RDX: variants seen among roughly 807,000 people sequenced by gnomAD.
RDX encodes the protein radixin.
RDX carries 32 observed loss-of-function variants against 83.7 expected under a neutral mutation model. The ratio of observed to expected loss-of-function variants is 0.38; its 90% CI spans 0.29 to 0.51. The LOEUF (loss-of-function observed/expected upper bound fraction) is 0.51, where lower values mean the gene tolerates loss of function less well. RDX is among the 20% of genes least tolerant of loss of function. The pLI is 0.87. For missense variants in RDX, 600 were observed against 689.9 expected, an observed-to-expected ratio of 0.87 and a Z score of 1.46; for synonymous variants, 229 against 222.7, an observed-to-expected ratio of 1.03 and a Z score of -0.25.
At chr11:110,196,309 G>A (rs913600147) in intron 15 of RDX, 1 of 152,210 alleles carries the variant, frequency 6.6e-6, no homozygotes, top group Admixed American at 6.5e-5. Context: ...TTTAGTCATG[G>A]TTAGTTGATG....
chr11:110,189,665 C>T (rs1171405159), intron 15 of RDX, among the ~76,000 whole-genome samples: 3 of 152,148 alleles, frequency 2.0e-5, no homozygotes, highest in African/African-American at 7.2e-5. Flanking sequence ...TACTCTAGAA[C>T]TACAGTGGAA....
In RDX at chr11:110,230,274, T is replaced by C. The variant is rs1045010155; in HGVS notation, c.*1595A>G. ...GAACCACACAGAGAAAACAAGGCTT[T>C]ACGTATCTCCAAATTTAGCTGTTTT... On this transcript the variant is annotated 3_prime_UTR_variant, in exon 14 of 14. Coordinates refer to ENST00000645495, the MANE Select transcript of RDX (RefSeq NM_002906.4). 17 of 152,108 alleles carry C rather than the reference T, an allele frequency of 1.1e-4. No individual in the cohort carries two copies. The highest frequency in any genetic ancestry group is 3.9e-4 in the African/African-American group (16 of 41,442). The allele number at this position is 152,108 out of a possible 1,614,324, so 9.4% of individuals were successfully genotyped here. A position where few individuals can be genotyped will look rare whatever the true frequency, so the allele number is the denominator to read the frequency against.
intron 14 of RDX, among the ~76,000 whole-genome samples, chr11:110,201,193 A>G (rs970168482): frequency 6.6e-6 from 1 of 151,784 alleles, no homozygotes; most frequent in Non-Finnish European, 1.5e-5. Flanking sequence ...AAAAAAAAAA[A>G]AAAAAGAAAT....
At position 110,214,898 on chromosome 11, in the gene RDX, A is replaced by G. The variant is rs188057483; in HGVS notation, c.1749-15220T>C. Among the ~76,000 whole-genome samples, 16 of 148,622 alleles carry G rather than the reference A, an allele frequency of 1.1e-4. 1 individual carries two copies. In the East Asian group the frequency reaches 2.2e-3, roughly 20 times the overall value. On this transcript the variant is annotated intron_variant, in intron 14 of 15. Transcript: ENST00000528498. ...GGAGATATACCTAATGCTAGATGAC[A>G]AGTTAGTGGGTGCAGCGCACCAGCA...
Position 110,231,840 on chromosome 11 carries a change from T to C in RDX, c.*29A>G. On this transcript the variant is annotated 3_prime_UTR_variant, in exon 14 of 14. Transcript: ENST00000645495. ...TTTTCTCTGTTGGTGGTTCAGCTTA[T>C]GAAGAACATATATGCAAAATAACAG... 1 of 1,611,120 alleles carries C rather than the reference T, an allele frequency of 6.2e-7. No individual in the cohort carries two copies. The highest frequency in any genetic ancestry group is 1.3e-5 in the African/African-American group (1 of 74,986).
At chr11:110,223,142 G>C (rs1864310229) in intron 14 of RDX, among the ~76,000 whole-genome samples, 1 of 152,110 alleles carries the variant, frequency 6.6e-6, no homozygotes, top group East Asian at 1.9e-4. Context: ...CTTGAGGTCA[G>C]GAGGTCAAAA....
intron 3 of RDX, among the ~76,000 whole-genome samples, chr11:110,267,892 T>C (rs1478045790): frequency 2.0e-5 from 3 of 151,242 alleles, no homozygotes; most frequent in African/African-American, 2.4e-5. Flanking sequence ...AGGTCAAGGC[T>C]GCAGTGAGCT....
Position 110,254,054 on chromosome 11 carries a change from C to T in RDX, c.851G>A (p.Cys284Tyr). 1 of 1,613,718 alleles carries T rather than the reference C, an allele frequency of 6.2e-7. No homozygotes were observed. Among genetic ancestry groups the T allele is most frequent in the Non-Finnish European group, 8.5e-7 (1 of 1,179,806 alleles). Residue 284 changes from cysteine to tyrosine, a missense_variant, in exon 9 of 14, where the codon TGT becomes TAT. Physicochemically the swap from Cys to Tyr is radical, Grantham distance 194. Transcript: ENST00000645495. ...CATGTATAGTTCATGGTTTCCCATACATAAGGCCAAAATCCGCTTATTGAT... is the reference window on the plus strand; with the variant it reads ...CATGTATAGTTCATGGTTTCCCATATATAAGGCCAAAATCCGCTTATTGAT... The part of the protein sequence containing the change: ...LRINKRILAL[C>Y]MGNHELYMRR...
chr11:110,265,396 A>C (rs1476479165), intron 3 of RDX, among the ~76,000 whole-genome samples: 2 of 151,650 alleles, frequency 1.3e-5, no homozygotes, highest in African/African-American at 4.8e-5. Context: ...CTGGCCTCTA[A>C]TCCTCAATTT....
At chr11:110,289,979 A>AAAAAAAAAAAAC (rs1555049799) in intron 1 of RDX, among the ~76,000 whole-genome samples, 17 of 144,710 alleles carry the variant, frequency 1.2e-4, no homozygotes, top group African/African-American at 4.3e-4. Flanking sequence ...AAAAAAAAAA[A>AAAAAAAAAAAAC]AAACAAGGGT....
At chr11:110,290,616 A>G (rs947378625) in intron 1 of RDX, among the ~76,000 whole-genome samples, 1 of 152,242 alleles carries the variant, frequency 6.6e-6, no homozygotes, top group Non-Finnish European at 1.5e-5. Context: ...TCCATTCTCA[A>G]ATGCAAAGAG....
rs568451046 is a variant in RDX at position 110,200,984 on chromosome 11, T to A, written c.1749-1306A>T. Among the ~76,000 whole-genome samples the A allele has an allele frequency of 3.3e-5, 5 of 152,226 alleles. No homozygotes were observed. In the South Asian group the frequency reaches 6.2e-4, roughly 19 times the overall value. The stretch of plus-strand genomic sequence containing the variant: ...TGAGGTCGGGAGTTCGAAACCAGCC[T>A]GACCAACATAGAGAAATCCTGTCTC... On this transcript the variant is annotated intron_variant, in intron 14 of 15. Coordinates refer to the RDX transcript ENST00000528498.
intron 1 of RDX, among the ~76,000 whole-genome samples, chr11:110,285,310 G>C (rs1394326682): frequency 6.6e-6 from 1 of 152,124 alleles, no homozygotes; most frequent in Non-Finnish European, 1.5e-5. Flanking sequence ...GCACGAACCT[G>C]GGAGGCAGGG....
chr11:110,235,969 C>A, intron 12 of RDX, 130 bp downstream of exon 12: 1 of 707,176 alleles, frequency 1.4e-6, no homozygotes, highest in Non-Finnish European at 2.5e-6. Context: ...TAGATATTTA[C>A]AATACACATA....
intron 14 of RDX, among the ~76,000 whole-genome samples, chr11:110,207,978 T>G (rs1863667840): frequency 1.5e-5 from 2 of 134,076 alleles, no homozygotes; most frequent in African/African-American, 2.8e-5. Context: ...CATAAGGAAG[T>G]TGAATCAGAT....
At chr11:110,245,787 A>C (rs1380114375) in intron 10 of RDX, among the ~76,000 whole-genome samples, 1 of 152,162 alleles carries the variant, frequency 6.6e-6, no homozygotes, top group Non-Finnish European at 1.5e-5. Flanking sequence ...CCAGTACTAT[A>C]ATCTCACTAC....
chr11:110,191,638 C>T (rs1385483584), intron 15 of RDX, among the ~76,000 whole-genome samples: 1 of 152,184 alleles, frequency 6.6e-6, no homozygotes, highest in Non-Finnish European at 1.5e-5. Flanking sequence ...GGTAAATCAC[C>T]TGAGGTCATG....
intron 14 of RDX, among the ~76,000 whole-genome samples, chr11:110,201,905 G>GTA (rs1296470765): frequency 1.6e-4 from 2 of 12,820 alleles, no homozygotes; most frequent in African/African-American, 9.7e-4. Flanking sequence ...GGCTAATTTT[G>GTA]TGTGTGTGTG....
At chr11:110,225,823 G>T (rs147647337), downstream of RDX, among the ~76,000 whole-genome samples, 1,805 of 151,994 alleles carry the variant, frequency 0.012, 36 homozygotes, top group African/African-American at 0.041. Flanking sequence ...AAGGCGGGCA[G>T]ATCACCTGAG....
Sources: allele counts gnomAD v4.1 joint callset (sites outside exome capture counted in the v4.1 genomes callset), GRCh38; gene constraint gnomAD v4.1.1; transcripts MANE v1.5; gene names NCBI Gene and HGNC (gene_info 2026-07-23, HGNC 2026-07-21).